The following TUSC3 variants were observed in gnomAD, a reference collection of about 807,000 sequenced individuals.
The protein encoded by TUSC3 is dolichyl-diphosphooligosaccharide--protein glycosyltransferase subunit TUSC3.
A neutral mutation model predicts 44.8 loss-of-function variants in TUSC3; 45 were observed. The ratio of observed to expected loss-of-function variants is 1.00; its 90% CI spans 0.79 to 1.29. The LOEUF (loss-of-function observed/expected upper bound fraction) is 1.29, where lower values mean the gene tolerates loss of function less well. TUSC3 is among the 50% of genes most tolerant of loss of function. TUSC3 has a pLI of 0.00. For synonymous variants in TUSC3, 212 were observed against 152.9 expected (o/e 1.39, Z -2.85); for missense variants, 519 against 437.9 (o/e 1.19, Z -1.65).
At chr8:15,785,182 C>T in the TUSC3 span, among the ~76,000 whole-genome samples, 1 of 152,040 alleles carries the variant, frequency 6.6e-6, no homozygotes, top group African/African-American at 2.4e-5. Flanking sequence ...CTGAAGATAT[C>T]CATGTAACCA....
chr8:15,417,275 C>G (rs1799672633), exon 1 of TUSC3: 1 of 152,470 alleles, frequency 6.6e-6, no homozygotes, highest in Admixed American at 6.5e-5. Flanking sequence ...GAGGCCTCCT[C>G]AGCCATGCTT....
chr8:15,735,320 G>C lies in TUSC3; in HGVS notation c.862+4591G>C, dbSNP rs142532865. On this transcript the variant is annotated intron_variant, in intron 7 of 10. Coordinates refer to ENST00000503731, the MANE Select transcript of TUSC3 (RefSeq NM_006765.4). ...AATTGATAATAAATGTCACAAGTAA[G>C]GTTCAAGAACAGGAATCAGAGATGA... Among the ~76,000 whole-genome samples the C allele has an allele frequency of 2.3e-3, 347 of 152,230 alleles. 2 individuals carry two copies. The highest frequency in any genetic ancestry group is 8.0e-3 in the African/African-American group (333 of 41,538).
intron 1 of TUSC3, among the ~76,000 whole-genome samples, chr8:15,422,746 A>C (rs1424483148): frequency 1.3e-5 from 2 of 152,052 alleles, no homozygotes; most frequent in South Asian, 4.1e-4. Context: ...CAATTCCCCC[A>C]GGCGCCCCAC....
chr8:15,419,659 C>G (rs1316926178), intron 1 of TUSC3, among the ~76,000 whole-genome samples: 1 of 152,094 alleles, frequency 6.6e-6, no homozygotes, highest in Non-Finnish European at 1.5e-5. Flanking sequence ...GTGTTCATCC[C>G]TTACATTTAA....
chr8:15,661,115 A>G (rs1030597342), intron 4 of TUSC3, among the ~76,000 whole-genome samples: 13 of 151,776 alleles, frequency 8.6e-5, no homozygotes, highest in African/African-American at 1.2e-4. Flanking sequence ...CATATGCACA[A>G]TTTTTTCTTT....
chr8:15,457,376 G>C (rs1238797600), intron 1 of TUSC3, among the ~76,000 whole-genome samples: 2 of 151,534 alleles, frequency 1.3e-5, no homozygotes, highest in Admixed American at 1.3e-4. Context: ...TTTCTGAAGA[G>C]AAAAACATAT....
In TUSC3 at chr8:15,553,467, A is replaced by G. The variant is rs978105053; in HGVS notation, c.138+12899A>G. ...AGGAGAATGTTCCAAGGAGAGGTCA[A>G]CAGTGATAAGTTTGGACTTTGCTGC... is the stretch of plus-strand genomic sequence containing the variant. On this transcript the variant is annotated intron_variant, in intron 1 of 10. Transcript: ENST00000503731. Among the ~76,000 whole-genome samples the G allele has an allele frequency of 3.5e-4, 49 of 141,414 alleles. 1 individual carries two copies. Among genetic ancestry groups the G allele is most frequent in the Admixed American group, 2.9e-3 (41 of 14,160 alleles). The allele number at this position is 141,414 out of a possible 152,430, so 92.8% of individuals were successfully genotyped here.
intron 6 of TUSC3, among the ~76,000 whole-genome samples, chr8:15,692,492 G>T (rs530100792): frequency 2.1e-5 from 3 of 144,700 alleles, no homozygotes; most frequent in East Asian, 4.3e-4. Context: ...TTTTCTTGTT[G>T]TTAGGCTTTT....
the TUSC3 span, among the ~76,000 whole-genome samples, chr8:15,810,407 G>C: frequency 2.6e-5 from 4 of 152,190 alleles, no homozygotes; most frequent in East Asian, 7.7e-4. Context: ...GGAAGCTAAG[G>C]TGGGAGGATC....
chr8:15,716,178 C>T (rs1585260447), intron 6 of TUSC3, among the ~76,000 whole-genome samples: 1 of 152,120 alleles, frequency 6.6e-6, no homozygotes, highest in South Asian at 2.1e-4. Flanking sequence ...ATCACTTGAG[C>T]CCAGTAGGTG....
At chr8:15,606,917 T>TTGTGTG (rs34911405) in intron 1 of TUSC3, among the ~76,000 whole-genome samples, 1 of 149,840 alleles carries the variant, frequency 6.7e-6, no homozygotes, top group African/African-American at 2.4e-5. Flanking sequence ...TAATAAAACA[T>TTGTGTG]TGTGTGTGTG....
chr8:15,597,424 TC>T (rs1293731037), intron 1 of TUSC3, among the ~76,000 whole-genome samples: 1 of 152,154 alleles, frequency 6.6e-6, no homozygotes, highest in Non-Finnish European at 1.5e-5. Context: ...TGTATGTCTT[TC>T]GGTTATGCTT....
the TUSC3 span, among the ~76,000 whole-genome samples, chr8:15,796,799 G>C: frequency 6.6e-6 from 1 of 152,184 alleles, no homozygotes; most frequent in Non-Finnish European, 1.5e-5. Flanking sequence ...TAAATATGCT[G>C]CTTCCTTTTG....
At chr8:15,475,080 C>T (rs1800557699) in intron 1 of TUSC3, among the ~76,000 whole-genome samples, 1 of 152,120 alleles carries the variant, frequency 6.6e-6, no homozygotes, top group Admixed American at 6.6e-5. Flanking sequence ...CCCCTTTATA[C>T]ACAGTTTGCT....
chr8:15,452,215 A>C (rs376977639), intron 1 of TUSC3, among the ~76,000 whole-genome samples: 13 of 152,320 alleles, frequency 8.5e-5, no homozygotes, highest in East Asian at 5.8e-4. Flanking sequence ...TTCTACAAAC[A>C]ACCATATTCT....
the TUSC3 span, among the ~76,000 whole-genome samples, chr8:15,793,594 G>C: frequency 6.6e-6 from 1 of 152,086 alleles, no homozygotes; most frequent in East Asian, 1.9e-4. Flanking sequence ...TTTCTGTACA[G>C]CATTTGCCAT....
At chr8:15,627,649 C>G (rs1362409531) in intron 2 of TUSC3, among the ~76,000 whole-genome samples, 1 of 152,208 alleles carries the variant, frequency 6.6e-6, no homozygotes, top group South Asian at 2.1e-4. Context: ...TCTGGTGTCT[C>G]CAAGCTTCCG....
chr8:15,846,200 C>T, the TUSC3 span, among the ~76,000 whole-genome samples: 92 of 152,172 alleles, frequency 6.0e-4, no homozygotes, highest in African/African-American at 2.0e-3. Flanking sequence ...ATATCAACTC[C>T]GAGGGCAATT....
intron 2 of TUSC3, among the ~76,000 whole-genome samples, chr8:15,504,578 GATATATATATATATATATATAT>G (rs1158864721): frequency 1.2e-4 from 4 of 33,456 alleles, no homozygotes; most frequent in Non-Finnish European, 1.1e-4. Context: ...CAACTTTCAG[GATATATATATATATATATATAT>G]ATATATATAT....
Sources: gnomAD v4.1 joint callset for allele counts (sites outside exome capture counted in the v4.1 genomes callset) on GRCh38, gnomAD v4.1.1 for gene constraint, MANE v1.5 for transcripts, NCBI Gene and HGNC (gene_info 2026-07-23, HGNC 2026-07-21) for gene names.